Variants in DPP6 observed in about 807,000 individuals in gnomAD.
The protein encoded by DPP6 is dipeptidyl peptidase like 6.
DPP6 carries 69 observed loss-of-function variants against 122.6 expected under a neutral mutation model. The observed-to-expected ratio is 0.56, with a 90% CI of 0.46 to 0.69. The LOEUF is 0.69. Among genes scored for constraint, DPP6 ranks in the 30% least tolerant of loss-of-function variants. DPP6 has a pLI of 0.00. For missense variants in DPP6, 928 were observed against 1,116.9 expected (o/e 0.83, Z 2.41); for synonymous variants, 418 against 433.1 (o/e 0.97, Z 0.43).
chr7:154,504,431 C>T (rs923717558), intron 3 of DPP6, among the ~76,000 whole-genome samples: 3 of 152,092 alleles, frequency 2.0e-5, no homozygotes, highest in Admixed American at 6.5e-5. Flanking sequence ...ATAACATTAG[C>T]GATGTGACGT....
chr7:153,887,147 C>T (rs893178807), exon 1 of DPP6: 1 of 152,680 alleles, frequency 6.5e-6, no homozygotes, highest in Non-Finnish European at 1.5e-5. Flanking sequence ...CACGCCTCCC[C>T]TGGCGTCGCC....
Position 154,166,289 on chromosome 7 carries a change from C to T in DPP6, c.243+113226C>T, listed in dbSNP as rs146004422. On this transcript the variant is annotated intron_variant, in intron 1 of 25. Transcript: ENST00000377770. ...TGCAAACCTGCTTCTGGAGCTGTGA[C>T]GTTCTTGGGGAGGGAGGGCTGTGAA... Among the ~76,000 whole-genome samples, 88 of 152,196 alleles carry T rather than the reference C, an allele frequency of 5.8e-4. No homozygotes were observed. The East Asian group carries it at 9.3e-3, about 16-fold the overall frequency.
chr7:154,887,611 T>G, intron 22 of DPP6, 65 bp from the exon 23 acceptor site: 1 of 1,562,704 alleles, frequency 6.4e-7, no homozygotes, highest in Non-Finnish European at 8.8e-7. Flanking sequence ...CTCCCTAGAG[T>G]TTGGGGGCTG....
chr7:154,644,251 A>C (rs991687188), intron 6 of DPP6, among the ~76,000 whole-genome samples: 2 of 152,256 alleles, frequency 1.3e-5, no homozygotes, highest in Non-Finnish European at 2.9e-5. Flanking sequence ...TTCAATTAGC[A>C]GCCAGGTTGG....
intron 8 of DPP6, among the ~76,000 whole-genome samples, chr7:154,767,448 A>C (rs1412404006): frequency 6.6e-6 from 1 of 152,078 alleles, no homozygotes; most frequent in Admixed American, 6.6e-5. Flanking sequence ...ACTCTGCATA[A>C]AGTCACTTCT....
chr7:153,913,530 G>A (rs1800177297), intron 1 of DPP6, among the ~76,000 whole-genome samples: 1 of 152,024 alleles, frequency 6.6e-6, no homozygotes, highest in South Asian at 2.1e-4. Flanking sequence ...TACCTCCCTG[G>A]GACTTGGTTC....
intron 3 of DPP6, among the ~76,000 whole-genome samples, chr7:154,504,796 T>TG (rs1341632825): frequency 7.2e-6 from 1 of 139,310 alleles, no homozygotes; most frequent in African/African-American, 2.7e-5. Context: ...AGTATCAGGG[T>TG]GTTTTTTTTT....
intron 5 of DPP6, among the ~76,000 whole-genome samples, chr7:154,629,992 A>G (rs528155061): frequency 6.8e-6 from 1 of 147,206 alleles, no homozygotes; most frequent in Admixed American, 6.8e-5. Context: ...CAATTCTCAG[A>G]ATTTAGAAAA....
intron 17 of DPP6, among the ~76,000 whole-genome samples, chr7:154,858,072 G>A (rs150132629): frequency 2.0e-5 from 3 of 152,086 alleles, no homozygotes; most frequent in Non-Finnish European, 2.9e-5. Context: ...TCAGACAACC[G>A]TGTTCTGATC....
At chr7:154,092,027 A>G (rs1416710486) in intron 1 of DPP6, among the ~76,000 whole-genome samples, 1 of 152,018 alleles carries the variant, frequency 6.6e-6, no homozygotes, top group South Asian at 2.1e-4. Flanking sequence ...ACATGACATC[A>G]GGGGTGGGAG....
chr7:154,640,742 A>G (rs1314733085), intron 6 of DPP6, among the ~76,000 whole-genome samples: 1 of 152,162 alleles, frequency 6.6e-6, no homozygotes, highest in Non-Finnish European at 1.5e-5. Flanking sequence ...GATAGGGAGG[A>G]AAGCACAATT....
At chr7:154,209,816 A>G (rs1289152760) in intron 1 of DPP6, among the ~76,000 whole-genome samples, 3 of 152,230 alleles carry the variant, frequency 2.0e-5, no homozygotes, top group Non-Finnish European at 4.4e-5. Context: ...TAGGAATATT[A>G]AGATTGCATT....
chr7:153,805,810 C>T, the DPP6 span, among the ~76,000 whole-genome samples: 1 of 151,902 alleles, frequency 6.6e-6, no homozygotes, highest in African/African-American at 2.4e-5. Flanking sequence ...AATGAGAACA[C>T]TTGGACACAG....
chr7:153,987,430 C>T (rs1444419137), intron 1 of DPP6, among the ~76,000 whole-genome samples: 5 of 152,204 alleles, frequency 3.3e-5, no homozygotes, highest in Non-Finnish European at 7.3e-5. Flanking sequence ...CGAAACTTCT[C>T]TTGGAAGCTT....
chr7:154,739,938 A>C (rs1281460219), intron 8 of DPP6, among the ~76,000 whole-genome samples: 1 of 152,240 alleles, frequency 6.6e-6, no homozygotes, highest in East Asian at 1.9e-4. Context: ...TCCACATTTG[A>C]AAATCCAGTA....
chr7:154,211,765 G>A (rs1266510460), intron 1 of DPP6, among the ~76,000 whole-genome samples: 2 of 152,180 alleles, frequency 1.3e-5, no homozygotes, highest in African/African-American at 4.8e-5. Context: ...CATCCGGGCT[G>A]CAGCTTTCAG....
At chr7:153,995,353 G>A (rs370257290) in intron 1 of DPP6, among the ~76,000 whole-genome samples, 9 of 152,282 alleles carry the variant, frequency 5.9e-5, no homozygotes, top group East Asian at 5.8e-4. Context: ...TTGGGAGGCC[G>A]AGGCGGGTGG....
intron 10 of DPP6, among the ~76,000 whole-genome samples, chr7:154,778,573 C>A (rs899239526): frequency 4.0e-5 from 6 of 150,602 alleles, no homozygotes; most frequent in Admixed American, 6.6e-5. Context: ...CCAAAAAAAA[C>A]CACCACCATC....
At chr7:153,762,234 A>G in the DPP6 span, among the ~76,000 whole-genome samples, 2 of 152,242 alleles carry the variant, frequency 1.3e-5, no homozygotes, top group African/African-American at 4.8e-5. Context: ...ATTCCCTGCA[A>G]TACAGGAACT....
Sources: allele counts gnomAD v4.1 joint callset (sites outside exome capture counted in the v4.1 genomes callset), GRCh38; gene constraint gnomAD v4.1.1; transcripts MANE v1.5; gene names NCBI Gene and HGNC (gene_info 2026-07-23, HGNC 2026-07-21).